Variants in OR6C74 observed in about 807,000 individuals in gnomAD.
OR6C74 encodes the protein olfactory receptor family 6 subfamily C member 74.
For missense variants in OR6C74, 361 were observed against 362.9 expected, an observed-to-expected ratio of 0.99 and a Z score of 0.04; for synonymous variants, 142 against 134.2, an observed-to-expected ratio of 1.06 and a Z score of -0.40.
rs2136313966 is a variant in OR6C74, at chr12:55,248,331, T to A, written c.*105T>A. On this transcript the variant is annotated 3_prime_UTR_variant, in exon 2 of 2. Transcript: ENST00000343399. Reference sequence around the variant, plus strand: ...GTATTCAATAATATTACCTCTTTTTTGACTTATAATTTTCATTATGGCCTT... The same window carrying A: ...GTATTCAATAATATTACCTCTTTTTAGACTTATAATTTTCATTATGGCCTT... 1 of 694,676 alleles carries A rather than the reference T, an allele frequency of 1.4e-6. No individual in the cohort carries two copies. The highest frequency in any genetic ancestry group is 2.7e-5 in the East Asian group (1 of 36,572). 43.0% of individuals were successfully genotyped at this position (694,676 alleles called of 1,614,324 possible). A position where few individuals can be genotyped will look rare whatever the true frequency, so the allele number is the denominator to read the frequency against.
chr12:55,246,040 A>T (rs374930252), intron 1 of OR6C74, among the ~76,000 whole-genome samples: 1 of 152,200 alleles, frequency 6.6e-6, no homozygotes, highest in Non-Finnish European at 1.5e-5. Context: ...ACACAATGTA[A>T]TAATGTTCAT....
At position 55,248,616 on chromosome 12, in the gene OR6C74, C is replaced by T. The variant is rs377559698; in HGVS notation, c.*390C>T. Among the ~76,000 whole-genome samples the T allele has an allele frequency of 2.0e-5, 3 of 152,150 alleles. No individual in the cohort carries two copies. Among genetic ancestry groups the T allele is most frequent in the South Asian group, 2.1e-4 (1 of 4,832 alleles). Reference sequence around the variant, plus strand: ...AGACTACCTAGGTTTGATCACTTAACGCGTGCATTATTGGTGGATACAAAA... The same window carrying T: ...AGACTACCTAGGTTTGATCACTTAATGCGTGCATTATTGGTGGATACAAAA... On this transcript the variant is annotated 3_prime_UTR_variant, in exon 2 of 2. Coordinates refer to ENST00000343399, the MANE Select transcript of OR6C74 (RefSeq NM_001005490.2).
Position 55,255,176 on chromosome 12 carries a change from T to C in OR6C74, c.*6950T>C, listed in dbSNP as rs1954335382. The stretch of plus-strand genomic sequence containing the variant: ...AGCTATCTCTTTAAAATAGTGGGGG[T>C]TCCCTAAGTTCAGGATTTCACAGTT... On this transcript the variant is annotated 3_prime_UTR_variant, in exon 2 of 2. Coordinates refer to ENST00000343399, the MANE Select transcript of OR6C74 (RefSeq NM_001005490.2). Among the ~76,000 whole-genome samples the C allele has an allele frequency of 6.6e-6, 1 of 151,804 alleles. No individual in the cohort carries two copies.
chr12:55,249,182 C>T lies in OR6C74; in HGVS notation c.*956C>T, dbSNP rs551715938. Among the ~76,000 whole-genome samples the T allele has an allele frequency of 6.6e-6, 1 of 152,238 alleles. No homozygotes were observed. The highest frequency in any genetic ancestry group is 6.5e-5 in the Admixed American group (1 of 15,290). On this transcript the variant is annotated 3_prime_UTR_variant, in exon 2 of 2. Coordinates refer to ENST00000343399, the MANE Select transcript of OR6C74 (RefSeq NM_001005490.2). Reference sequence around the variant, plus strand: ...ATAAAATTAAGACCTTACAGCTCCACAGAGTACCTTATTTTTCAAATTAAG... The same window carrying T: ...ATAAAATTAAGACCTTACAGCTCCATAGAGTACCTTATTTTTCAAATTAAG...
rs182922594 is a variant in OR6C74 at position 55,253,836 on chromosome 12, A to G, written c.*5610A>G. ...AACTTTCTTCATGGGTTCTGGTTCT[A>G]TGAAAGGATTGAAGTCTGTAATTGA... On this transcript the variant is annotated 3_prime_UTR_variant, in exon 2 of 2. Transcript: ENST00000343399. 6.6e-6 allele frequency among the ~76,000 whole-genome samples: 1 copy of G among 152,176 alleles called. No individual in the cohort carries two copies. Among genetic ancestry groups the G allele is most frequent in the African/African-American group, 2.4e-5 (1 of 41,552 alleles).
In OR6C74 at chr12:55,252,244, A is replaced by T. The variant is rs962042423; in HGVS notation, c.*4018A>T. Among the ~76,000 whole-genome samples the T allele has an allele frequency of 4.6e-5, 7 of 151,944 alleles. No homozygotes were observed. In the East Asian group the frequency reaches 1.2e-3, roughly 25 times the overall value. On this transcript the variant is annotated 3_prime_UTR_variant, in exon 2 of 2. Coordinates refer to ENST00000343399, the MANE Select transcript of OR6C74 (RefSeq NM_001005490.2). ...TACTTTATTATACTTGCAAATACTT[A>T]TGTAATTATTGTGTGAAATGAACTG...
Position 55,251,192 on chromosome 12 carries a change from T to G in OR6C74, c.*2966T>G, listed in dbSNP as rs940894104. Among the ~76,000 whole-genome samples the G allele has an allele frequency of 6.6e-6, 1 of 152,100 alleles. No homozygotes were observed. Among genetic ancestry groups the G allele is most frequent in the African/African-American group, 2.4e-5 (1 of 41,448 alleles). ...TGCAAAACTTGTGTGCTGTCACGTATATTGAATGCCTGCCCATTGCCCAAA... is the reference window on the plus strand; with the variant it reads ...TGCAAAACTTGTGTGCTGTCACGTAGATTGAATGCCTGCCCATTGCCCAAA... On this transcript the variant is annotated 3_prime_UTR_variant, in exon 2 of 2. Transcript: ENST00000343399.
chr12:55,246,224 T>C (rs1954269264), intron 1 of OR6C74, among the ~76,000 whole-genome samples: 2 of 152,162 alleles, frequency 1.3e-5, no homozygotes, highest in South Asian at 4.1e-4. Context: ...AATTGCTATG[T>C]GCTGAACTAG....
At chr12:55,245,674 G>C (rs1330197903) in intron 1 of OR6C74, among the ~76,000 whole-genome samples, 2 of 151,982 alleles carry the variant, frequency 1.3e-5, no homozygotes, top group Non-Finnish European at 2.9e-5. Context: ...TTGCTGTTTT[G>C]CTTGTTATTT....
chr12:55,251,734 T>A lies in OR6C74; in HGVS notation c.*3508T>A, dbSNP rs1954312644. Among the ~76,000 whole-genome samples, 1 of 151,958 alleles carries A rather than the reference T, an allele frequency of 6.6e-6. No individual in the cohort carries two copies. The highest frequency in any genetic ancestry group is 1.5e-5 in the Non-Finnish European group (1 of 67,874). On this transcript the variant is annotated 3_prime_UTR_variant, in exon 2 of 2. Coordinates refer to ENST00000343399, the MANE Select transcript of OR6C74 (RefSeq NM_001005490.2). ...TGTATGATACAATAAAGTCCCATTG[T>A]ATCATACATATCTCAAAAATTCTGT...
In OR6C74 at chr12:55,249,483, T is replaced by G. The variant is rs1388402789; in HGVS notation, c.*1257T>G. On this transcript the variant is annotated 3_prime_UTR_variant, in exon 2 of 2. Coordinates refer to ENST00000343399, the MANE Select transcript of OR6C74 (RefSeq NM_001005490.2). ...TAATGTATTTCCAAGTGTATATAAC[T>G]TTGTCATATCCCCAGGCTAGCAAGA... Among the ~76,000 whole-genome samples the G allele has an allele frequency of 7.6e-6, 1 of 131,174 alleles. No homozygotes were observed. Among genetic ancestry groups the G allele is most frequent in the African/African-American group, 2.6e-5 (1 of 38,012 alleles). 86.1% of individuals were successfully genotyped at this position (131,174 alleles called of 152,430 possible).
Position 55,247,355 on chromosome 12 carries a change from T to C in OR6C74, c.68T>C (p.Val23Ala). The C allele has an allele frequency of 6.2e-7, 1 of 1,612,554 alleles. No homozygotes were observed. The highest frequency in any genetic ancestry group is 1.1e-5 in the South Asian group (1 of 91,036). ...CTGACAGATGATCCACAATTACAGG[T>C]GATTATTTTTCTTCTCCTTTTTTTC... is the stretch of plus-strand genomic sequence containing the variant. Reference protein sequence around the residue: ...LGLTDDPQLQVIIFLLLFFTY... With the variant: ...LGLTDDPQLQAIIFLLLFFTY... Residue 23 changes from valine to alanine, a missense_variant, in exon 2 of 2, where the codon GTG becomes GCG. Val to Ala is a moderately conservative substitution (Grantham distance 64). Coordinates refer to ENST00000343399, the MANE Select transcript of OR6C74 (RefSeq NM_001005490.2).
At position 55,254,033 on chromosome 12, in the gene OR6C74, A is replaced by G. The variant is rs768221671; in HGVS notation, c.*5807A>G. 3.9e-5 allele frequency among the ~76,000 whole-genome samples: 6 copies of G among 152,112 alleles called. No individual in the cohort carries two copies. The highest frequency in any genetic ancestry group is 5.9e-5 in the Non-Finnish European group (4 of 67,986). On this transcript the variant is annotated 3_prime_UTR_variant, in exon 2 of 2. Coordinates refer to ENST00000343399, the MANE Select transcript of OR6C74 (RefSeq NM_001005490.2). ...CTAAAGTGCATCATGCAATATTGAT[A>G]ACTACTTCGGCCATACTGACCAATA... is the stretch of plus-strand genomic sequence containing the variant.
At position 55,247,986 on chromosome 12, in the gene OR6C74, A is replaced by C. The variant is rs756297033; in HGVS notation, c.699A>C (p.Lys233Asn). 1.2e-6 allele frequency: 2 copies of C among 1,614,016 alleles called. No individual in the cohort carries two copies. The highest frequency in any genetic ancestry group is 8.5e-7 in the Non-Finnish European group (1 of 1,179,938). Residue 233 changes from lysine to asparagine, a missense_variant, in exon 2 of 2, where the codon AAA becomes AAC. By Grantham distance (94) the Lys-to-Asn change is moderately conservative. Transcript: ENST00000343399. ...AAATACCTTCTTCTCAACAGAGAAA[A>C]AAAGCATTTTCTACATGTTCTTCCC... is the stretch of plus-strand genomic sequence containing the variant. ...ILKIPSSQQR[K>N]KAFSTCSSHM...
Position 55,247,540 on chromosome 12 carries a change from A to T in OR6C74, c.253A>T (p.Thr85Ser). 1 of 1,613,422 alleles carries T rather than the reference A, an allele frequency of 6.2e-7. No homozygotes were observed. The highest frequency in any genetic ancestry group is 8.5e-7 in the Non-Finnish European group (1 of 1,179,638). ...YIPKFLVSMA[T>S]GDKTISYNDC... ...TCCCAAATTTCTTGTTAGTATGGCA[A>T]CAGGTGATAAGACCATTTCTTACAA... Residue 85 changes from threonine to serine, a missense_variant, in exon 2 of 2, where the codon ACA becomes TCA. By Grantham distance (58) the Thr-to-Ser change is moderately conservative (BLOSUM62 1). Transcript: ENST00000343399.
At position 55,248,860 on chromosome 12, in the gene OR6C74, C is replaced by CT. The variant is rs1954294053; in HGVS notation, c.*636dup. Among the ~76,000 whole-genome samples the CT allele has an allele frequency of 6.6e-6, 1 of 152,186 alleles. No individual in the cohort carries two copies. Among genetic ancestry groups the CT allele is most frequent in the Admixed American group, 6.5e-5 (1 of 15,280 alleles). ...ACTTACAGCTAGCATTTATTGATTG[C>CT]TTACAATGTGCCAGATGTTATTAAA... On this transcript the variant is annotated 3_prime_UTR_variant, in exon 2 of 2. Transcript: ENST00000343399.
chr12:55,255,770 T>C lies in OR6C74; in HGVS notation c.*7544T>C, dbSNP rs941827509. Among the ~76,000 whole-genome samples the C allele has an allele frequency of 6.6e-6, 1 of 152,092 alleles. No individual in the cohort carries two copies. The highest frequency in any genetic ancestry group is 1.5e-5 in the Non-Finnish European group (1 of 67,998). ...AACAATGACAGAGAAGAATTTTAAATGCATATTTCTCAATGAAACTAGGCA... is the reference window on the plus strand; with the variant it reads ...AACAATGACAGAGAAGAATTTTAAACGCATATTTCTCAATGAAACTAGGCA... On this transcript the variant is annotated 3_prime_UTR_variant, in exon 2 of 2. Coordinates refer to ENST00000343399, the MANE Select transcript of OR6C74 (RefSeq NM_001005490.2).
At position 55,247,861 on chromosome 12, in the gene OR6C74, A is replaced by G. The variant is rs1460361922; in HGVS notation, c.574A>G (p.Ile192Val). The G allele has an allele frequency of 3.1e-6, 5 of 1,613,930 alleles. No individual in the cohort carries two copies. Among genetic ancestry groups the G allele is most frequent in the South Asian group, 1.1e-5 (1 of 91,068 alleles). ...ILQLSCTDTD[I>V]IELMMLLSAI... The stretch of plus-strand genomic sequence containing the variant: ...GCAGCTCTCTTGCACAGACACTGAC[A>G]TAATAGAATTAATGATGCTTCTCTC... The change falls in exon 2 of 2, where the codon ATA (isoleucine) becomes GTA (valine). Residue 192 changes from isoleucine (I) to valine (V), a missense_variant. Ile to Val is a conservative substitution (Grantham distance 29). Coordinates refer to ENST00000343399, the MANE Select transcript of OR6C74 (RefSeq NM_001005490.2).
In OR6C74 at chr12:55,255,876, A is replaced by C. The variant is rs144133560; in HGVS notation, c.*7650A>C. On this transcript the variant is annotated 3_prime_UTR_variant, in exon 2 of 2. Transcript: ENST00000343399. ...AAATTTATAGAGAAAGTAACATATCAGTGGTTGCCAGGACTTTGTTGGAGT... is the reference window on the plus strand; with the variant it reads ...AAATTTATAGAGAAAGTAACATATCCGTGGTTGCCAGGACTTTGTTGGAGT... Among the ~76,000 whole-genome samples the C allele has an allele frequency of 5.7e-4, 87 of 152,270 alleles. 1 individual carries two copies. In the East Asian group the frequency reaches 0.015, roughly 27 times the overall value.
Sources: allele counts gnomAD v4.1 joint callset (sites outside exome capture counted in the v4.1 genomes callset), GRCh38; gene constraint gnomAD v4.1.1; transcripts MANE v1.5; gene names NCBI Gene and HGNC (gene_info 2026-07-23, HGNC 2026-07-21).